The following WDFY2 variants were observed in gnomAD, a reference collection of about 807,000 sequenced individuals.
The protein encoded by WDFY2 is WD repeat and FYVE domain-containing protein 2.
Under a neutral mutation model 56.4 loss-of-function variants are expected in WDFY2, and 36 were observed. The ratio of observed to expected loss-of-function variants is 0.64; its 90% CI spans 0.49 to 0.84. The LOEUF is 0.84. Ranked by LOEUF, WDFY2 falls within the 40% of genes least tolerant of loss-of-function variation. The pLI is 0.00. For synonymous variants in WDFY2, 176 were observed against 183.7 expected, an observed-to-expected ratio of 0.96 and a Z score of 0.34; for missense variants, 444 against 512.2, an observed-to-expected ratio of 0.87 and a Z score of 1.29.
chr13:51,739,016 G>A, intron 6 of WDFY2, 33 bp from the exon 7 acceptor site: 1 of 1,526,426 alleles, frequency 6.6e-7, no homozygotes, highest in Middle Eastern at 1.7e-4. Context: ...GTCTTACCTT[G>A]TGACTGATGT....
chr13:51,663,176 T>C (rs1465336065), intron 2 of WDFY2, among the ~76,000 whole-genome samples: 1 of 152,132 alleles, frequency 6.6e-6, no homozygotes, highest in East Asian at 1.9e-4. Flanking sequence ...ACCCAAACCG[T>C]AGATAATTTG....
At chr13:51,728,855 C>T (rs2138658379) in intron 6 of WDFY2, among the ~76,000 whole-genome samples, 1 of 152,234 alleles carries the variant, frequency 6.6e-6, no homozygotes, top group Admixed American at 6.5e-5. Context: ...TTGGCCAAGA[C>T]TGGGCCTGGG....
At chr13:51,745,337 G>A (rs1953069774) in intron 7 of WDFY2, among the ~76,000 whole-genome samples, 1 of 152,036 alleles carries the variant, frequency 6.6e-6, no homozygotes, top group African/African-American at 2.4e-5. Context: ...TTAATTAACT[G>A]GCAAAGTAAG....
chr13:51,706,088 T>A (rs921793372), intron 4 of WDFY2, among the ~76,000 whole-genome samples: 2 of 152,182 alleles, frequency 1.3e-5, no homozygotes, highest in Admixed American at 1.3e-4. Flanking sequence ...ATTCTTTGAG[T>A]CTCTTAATAT....
At chr13:51,700,310 AGAAG>A (rs1951955883) in intron 3 of WDFY2, among the ~76,000 whole-genome samples, 2 of 152,346 alleles carry the variant, frequency 1.3e-5, no homozygotes, top group Admixed American at 1.3e-4. Context: ...CTGAATGGAA[AGAAG>A]GAAGGATAGA....
chr13:51,703,730 T>G (rs1952031786), intron 4 of WDFY2, 80 bp downstream of exon 4: 1 of 1,166,608 alleles, frequency 8.6e-7, no homozygotes, highest in African/African-American at 1.6e-5. Flanking sequence ...AGAGAATACA[T>G]ACTTTACAAT....
intron 1 of WDFY2, among the ~76,000 whole-genome samples, chr13:51,617,346 C>CT (rs199732156): frequency 0.086 from 12,622 of 146,592 alleles, 783 homozygotes; most frequent in East Asian, 0.29. Context: ...AATTCTTTTT[C>CT]TTTTTTTTTT....
rs115518734 is a variant in WDFY2, at chr13:51,599,050, A to T, written c.137+14226A>T. On this transcript the variant is annotated intron_variant, in intron 1 of 11. Transcript: ENST00000298125. Reference sequence around the variant, plus strand: ...CAGCCTCCTGAGTAGCTAGCACTGCAGGCATGCGCTACCATGCCCAGCTAA... The same window carrying T: ...CAGCCTCCTGAGTAGCTAGCACTGCTGGCATGCGCTACCATGCCCAGCTAA... 9.3e-3 allele frequency among the ~76,000 whole-genome samples: 1,416 copies of T among 152,004 alleles called. 15 individuals carry two copies. The highest frequency in any genetic ancestry group is 0.031 in the African/African-American group (1,292 of 41,428).
intron 5 of WDFY2, among the ~76,000 whole-genome samples, chr13:51,720,958 C>CTT (rs1367810786): frequency 6.6e-6 from 1 of 151,858 alleles, no homozygotes; most frequent in African/African-American, 2.4e-5. Context: ...CTCTCTCTCT[C>CTT]TCTCTCTCTC....
intron 1 of WDFY2, among the ~76,000 whole-genome samples, chr13:51,652,117 G>C (rs1254634755): frequency 6.6e-6 from 1 of 152,142 alleles, no homozygotes; most frequent in Non-Finnish European, 1.5e-5. Flanking sequence ...ATTTAGGATA[G>C]GTAGCTCTTC....
chr13:51,623,047 G>A (rs753560841), intron 1 of WDFY2, among the ~76,000 whole-genome samples: 4 of 151,796 alleles, frequency 2.6e-5, no homozygotes, highest in Non-Finnish European at 5.9e-5. Context: ...TAGTGGAGAC[G>A]GGGTTTTGCC....
intron 7 of WDFY2, among the ~76,000 whole-genome samples, chr13:51,746,428 C>T (rs1487381993): frequency 6.6e-6 from 1 of 152,212 alleles, no homozygotes; most frequent in African/African-American, 2.4e-5. Context: ...CCCTGTAAAT[C>T]AGGTACCAGG....
At chr13:51,654,557 T>G (rs1456284344) in intron 1 of WDFY2, among the ~76,000 whole-genome samples, 1 of 152,184 alleles carries the variant, frequency 6.6e-6, no homozygotes, top group Non-Finnish European at 1.5e-5. Context: ...CCCAGACTTT[T>G]TTTCCCCCAA....
At chr13:51,692,310 G>A (rs1459367066) in intron 3 of WDFY2, among the ~76,000 whole-genome samples, 1 of 152,164 alleles carries the variant, frequency 6.6e-6, no homozygotes, top group Non-Finnish European at 1.5e-5. Context: ...TGCCCATTCA[G>A]TATGATATTG....
chr13:51,718,817 A>G (rs565883673), intron 4 of WDFY2, among the ~76,000 whole-genome samples: 3 of 152,292 alleles, frequency 2.0e-5, no homozygotes, highest in Admixed American at 6.5e-5. Flanking sequence ...CATCACTCCT[A>G]ATGTGTTTTG....
chr13:51,687,200 A>AAT, intron 3 of WDFY2, among the ~76,000 whole-genome samples: 1 of 151,660 alleles, frequency 6.6e-6, no homozygotes, highest in Admixed American at 6.6e-5. Flanking sequence ...CAATTTTTAA[A>AAT]ATATATATTG....
intron 3 of WDFY2, among the ~76,000 whole-genome samples, chr13:51,700,389 A>G (rs1410175508): frequency 6.6e-6 from 1 of 152,246 alleles, no homozygotes; most frequent in Non-Finnish European, 1.5e-5. Context: ...TATATCTTTG[A>G]TCTAATTTCT....
chr13:51,752,422 T>C (rs1263644925), intron 8 of WDFY2, among the ~76,000 whole-genome samples: 5 of 152,240 alleles, frequency 3.3e-5, no homozygotes, highest in Non-Finnish European at 7.3e-5. Flanking sequence ...GTGCTGGTCA[T>C]GCTAACCATG....
At chr13:51,619,433 C>CAA (rs5803565) in intron 1 of WDFY2, among the ~76,000 whole-genome samples, 3 of 135,808 alleles carry the variant, frequency 2.2e-5, no homozygotes, top group Non-Finnish European at 4.9e-5. Context: ...ACACTATCTC[C>CAA]AAAAAAAAAA....
Sources: allele counts gnomAD v4.1 joint callset (sites outside exome capture counted in the v4.1 genomes callset), GRCh38; gene constraint gnomAD v4.1.1; transcripts MANE v1.5; gene names NCBI Gene and HGNC (gene_info 2026-07-23, HGNC 2026-07-21).